SERGEF: variants seen among roughly 807,000 people sequenced by gnomAD.
SERGEF encodes secretion regulating guanine nucleotide exchange factor, also known as secretion-regulating guanine nucleotide exchange factor.
Under a neutral mutation model 50.0 loss-of-function variants are expected in SERGEF, and 51 were observed. The observed-to-expected ratio is 1.02, with a 90% CI of 0.81 to 1.29. The LOEUF (loss-of-function observed/expected upper bound fraction) is 1.29, where lower values mean the gene tolerates loss of function less well. Ranked by LOEUF, SERGEF falls within the 50% of genes most tolerant of loss-of-function variation. The probability of loss-of-function intolerance (pLI) is 0.00; values close to 1 mark genes in which losing one functional copy is unlikely to be tolerated. For missense variants in SERGEF, 521 were observed against 557.0 expected, an observed-to-expected ratio of 0.94 and a Z score of 0.65; for synonymous variants, 205 against 212.4, an observed-to-expected ratio of 0.97 and a Z score of 0.30.
At chr11:17,840,805 G>C (rs541271874) in intron 10 of SERGEF, among the ~76,000 whole-genome samples, 4 of 152,314 alleles carry the variant, frequency 2.6e-5, no homozygotes, top group African/African-American at 9.6e-5. Context: ...GAACAGCAAA[G>C]CCAGATGGGT....
chr11:17,796,601 T>G (rs1849575567), intron 10 of SERGEF, among the ~76,000 whole-genome samples: 1 of 152,206 alleles, frequency 6.6e-6, no homozygotes, highest in Non-Finnish European at 1.5e-5. Context: ...ATCTTGGACT[T>G]CCCAGTCTCC....
intron 8 of SERGEF, among the ~76,000 whole-genome samples, chr11:17,964,744 T>C (rs559102638): frequency 2.6e-4 from 40 of 152,304 alleles, no homozygotes; most frequent in Non-Finnish European, 3.5e-4. Context: ...GATTCACCTG[T>C]TTACAAATAC....
chr11:17,966,157 A>ATT (rs3216311), intron 8 of SERGEF, among the ~76,000 whole-genome samples: 2 of 150,856 alleles, frequency 1.3e-5, no homozygotes, highest in African/African-American at 4.9e-5. Context: ...TGGAATTTTG[A>ATT]TTTTTTTTTT....
chr11:17,963,432 G>C (rs1269169208), intron 8 of SERGEF, among the ~76,000 whole-genome samples: 1 of 147,320 alleles, frequency 6.8e-6, no homozygotes, highest in Non-Finnish European at 1.5e-5. Context: ...GCATTATCCA[G>C]GCTGGAGTGC....
chr11:17,914,189 T>C (rs138603565), intron 9 of SERGEF, among the ~76,000 whole-genome samples: 96 of 152,360 alleles, frequency 6.3e-4, no homozygotes, highest in East Asian at 6.2e-3. Flanking sequence ...CCATCTGGAA[T>C]GCTTCCTTCT....
chr11:17,909,702 G>A (rs1181932471), intron 9 of SERGEF, among the ~76,000 whole-genome samples: 2 of 152,218 alleles, frequency 1.3e-5, no homozygotes, highest in African/African-American at 2.4e-5. Flanking sequence ...CCTGAATAGT[G>A]ATCATCCTGG....
At chr11:17,894,918 A>T (rs1851593046) in intron 9 of SERGEF, among the ~76,000 whole-genome samples, 1 of 152,216 alleles carries the variant, frequency 6.6e-6, no homozygotes, top group Non-Finnish European at 1.5e-5. Flanking sequence ...AGGCCTAGGG[A>T]AAAGTTCCCT....
intron 5 of SERGEF, among the ~76,000 whole-genome samples, chr11:17,997,328 A>G (rs10766446): frequency 0.32 from 48,679 of 152,112 alleles, 9,303 homozygotes; most frequent in East Asian, 0.5. Context: ...ATGAAAACAG[A>G]TATCACCTCA....
intron 9 of SERGEF, among the ~76,000 whole-genome samples, chr11:17,911,136 GT>G (rs1303646056): frequency 2.0e-5 from 3 of 151,856 alleles, no homozygotes; most frequent in Non-Finnish European, 4.4e-5. Context: ...ATCAGGTAAT[GT>G]TTTAAGCACT....
At chr11:17,830,145 A>C (rs1426388985) in intron 10 of SERGEF, among the ~76,000 whole-genome samples, 3 of 152,224 alleles carry the variant, frequency 2.0e-5, no homozygotes, top group Admixed American at 2.0e-4. Flanking sequence ...TGCTTATCAC[A>C]CTGTATTGAA....
At chr11:17,975,393 A>G (rs548084528) in intron 8 of SERGEF, among the ~76,000 whole-genome samples, 1 of 152,324 alleles carries the variant, frequency 6.6e-6, no homozygotes, top group South Asian at 2.1e-4. Context: ...GAGAGGTATA[A>G]GGAGAAGCCC....
intron 10 of SERGEF, among the ~76,000 whole-genome samples, chr11:17,791,598 C>T (rs1300895348): frequency 6.6e-6 from 1 of 152,090 alleles, no homozygotes; most frequent in Non-Finnish European, 1.5e-5. Flanking sequence ...ATATCTTTTT[C>T]CTGGTTAGTA....
In SERGEF at chr11:17,993,642, T is replaced by G. The variant is rs115798735; in HGVS notation, c.623-649A>C. ...AGCATGCAGATAGACGCAGACTTATTCTGTAACTTTTTTTTCTGACACTTC... is the reference window on the plus strand; with the variant it reads ...AGCATGCAGATAGACGCAGACTTATGCTGTAACTTTTTTTTCTGACACTTC... On this transcript the variant is annotated intron_variant, in intron 6 of 10. Transcript: ENST00000265965. Among the ~76,000 whole-genome samples, 722 of 152,282 alleles carry G rather than the reference T, an allele frequency of 4.7e-3. 8 individuals carry two copies. The highest frequency in any genetic ancestry group is 0.016 in the African/African-American group (670 of 41,530).
chr11:18,012,699 C>A, intron 1 of SERGEF: 1 of 1,207,016 alleles, frequency 8.3e-7, no homozygotes, highest in Non-Finnish European at 1.1e-6. Context: ...CAGGTTCTTC[C>A]CGCGGCGCCA....
rs573021783 is a variant in SERGEF at position 17,885,427 on chromosome 11, C to T, written c.1012-7183G>A. Among the ~76,000 whole-genome samples the T allele has an allele frequency of 2.6e-5, 4 of 152,184 alleles. No individual in the cohort carries two copies. In the Middle Eastern group the frequency reaches 0.01, roughly 388 times the overall value. On this transcript the variant is annotated intron_variant, in intron 9 of 10. Transcript: ENST00000265965. ...ACCTCGAATTCCTGGGCTCAAGCGA[C>T]CCTTCTGCCTTAGCTTCCTGAGTAG...
rs143591756 is a variant in SERGEF, at chr11:17,855,073, C to T, written c.1048+23135G>A. On this transcript the variant is annotated intron_variant, in intron 10 of 10. Coordinates refer to ENST00000265965, the MANE Select transcript of SERGEF (RefSeq NM_012139.4). ...GGACTTAGTGTCCCTCTCAAAATCA[C>T]GTCAACTTCATTTGAAAATTATAAT... The T allele has an allele frequency of 1.3e-3, 200 of 152,252 alleles. 1 individual carries two copies. Among genetic ancestry groups the T allele is most frequent in the African/African-American group, 4.5e-3 (187 of 41,558 alleles). 9.4% of individuals were successfully genotyped at this position (152,252 alleles called of 1,614,324 possible). A position where few individuals can be genotyped will look rare whatever the true frequency, so the allele number is the denominator to read the frequency against.
At chr11:17,903,970 T>C (rs750892121) in intron 9 of SERGEF, among the ~76,000 whole-genome samples, 1 of 152,224 alleles carries the variant, frequency 6.6e-6, no homozygotes, top group Non-Finnish European at 1.5e-5. Context: ...CGTGTAGGCC[T>C]TGCAGGCATC....
intron 9 of SERGEF, among the ~76,000 whole-genome samples, chr11:17,935,373 T>C (rs1371687263): frequency 6.6e-6 from 1 of 151,984 alleles, no homozygotes; most frequent in Non-Finnish European, 1.5e-5. Flanking sequence ...GAAGCTGAGA[T>C]GGGAAGATCT....
chr11:17,956,439 T>C (rs1852872791), intron 9 of SERGEF, among the ~76,000 whole-genome samples: 1 of 152,206 alleles, frequency 6.6e-6, no homozygotes, highest in South Asian at 2.1e-4. Context: ...AGCCTTAGTC[T>C]CCTTATTCAT....
Sources: gnomAD v4.1 joint callset for allele counts (sites outside exome capture counted in the v4.1 genomes callset) on GRCh38, gnomAD v4.1.1 for gene constraint, MANE v1.5 for transcripts, NCBI Gene and HGNC (gene_info 2026-07-23, HGNC 2026-07-21) for gene names.